Variants in PCDHGB5 observed in about 807,000 individuals in gnomAD.
The protein encoded by PCDHGB5 is protocadherin gamma-B5.
PCDHGB5 carries 48 observed loss-of-function variants against 62.9 expected under a neutral mutation model. The ratio of observed to expected loss-of-function variants is 0.76; its 90% CI spans 0.61 to 0.97. The LOEUF (loss-of-function observed/expected upper bound fraction) is 0.97, where lower values mean the gene tolerates loss of function less well. Among genes scored for constraint, PCDHGB5 ranks in the 50% least tolerant of loss-of-function variants. The pLI is 0.00. For missense variants in PCDHGB5, 1,118 were observed against 1,198.6 expected (o/e 0.93, Z 0.99); for synonymous variants, 474 against 511.2 (o/e 0.93, Z 0.98).
chr5:141,486,565 TC>T lies in PCDHGB5; in HGVS notation c.2398-8240del. The T allele has an allele frequency of 6.2e-7, 1 of 1,614,024 alleles. No homozygotes were observed. The highest frequency in any genetic ancestry group is 2.2e-5 in the East Asian group (1 of 44,880). On this transcript the variant is annotated intron_variant, in intron 1 of 3. Transcript: ENST00000617380. This position sits in a 1 kb window ranked among gnomAD's most constrained non-coding sequence, Gnocchi z 5.0. Reference sequence around the variant, plus strand: ...TTCAGAGGTCACATGAGGTGTTTGTTCCTGAGAACAATCGCCCAGGGGACCT... The same window carrying T: ...TTCAGAGGTCACATGAGGTGTTTGTTCTGAGAACAATCGCCCAGGGGACCT...
In PCDHGB5 at chr5:141,404,421, C is replaced by G. The variant is rs199749783; in HGVS notation, c.2397+3897C>G. On this transcript the variant is annotated intron_variant, in intron 1 of 3. Coordinates refer to ENST00000617380, the MANE Select transcript of PCDHGB5 (RefSeq NM_018925.3). ...AATGAGAATTCTAGAGTTATTTACT[C>G]CTTGGCAGAGGATACCATCCAAGGG... 462 of 1,613,692 alleles carry G rather than the reference C, an allele frequency of 2.9e-4. 1 individual carries two copies. The African/African-American group carries it at 5.5e-3, about 19-fold the overall frequency.
intron 1 of PCDHGB5, chr5:141,415,756 T>G (rs756759295): frequency 1.5e-4 from 214 of 1,386,812 alleles, no homozygotes; most frequent in African/African-American, 5.9e-4. Flanking sequence ...TTTTTTTTTT[T>G]TTTTTTTTTT....
At chr5:141,407,314 T>G (rs2094914230) in intron 1 of PCDHGB5, among the ~76,000 whole-genome samples, 1 of 152,212 alleles carries the variant, frequency 6.6e-6, no homozygotes, top group Non-Finnish European at 1.5e-5. Flanking sequence ...CCTTCATACT[T>G]AGTATTTATA....
chr5:141,459,284 A>C (rs2098965103), intron 1 of PCDHGB5, among the ~76,000 whole-genome samples: 1 of 152,174 alleles, frequency 6.6e-6, no homozygotes, highest in African/African-American at 2.4e-5. Flanking sequence ...ATTTCATCTA[A>C]ATGGAATCCT....
chr5:141,469,419 A>G (rs1047562022), intron 1 of PCDHGB5, among the ~76,000 whole-genome samples: 2 of 152,066 alleles, frequency 1.3e-5, no homozygotes, highest in South Asian at 2.1e-4. Flanking sequence ...TACTAAAAAT[A>G]TAAAACTTAG....
At chr5:141,426,153 T>C (rs928934950) in intron 1 of PCDHGB5, 12 of 154,130 alleles carry the variant, frequency 7.8e-5, no homozygotes, top group African/African-American at 2.6e-4. Flanking sequence ...CTCCTGCAAA[T>C]CTGATTCCAT....
chr5:141,414,060 G>C (rs769101242), intron 1 of PCDHGB5: 1 of 1,609,304 alleles, frequency 6.2e-7, no homozygotes, highest in South Asian at 1.1e-5. Flanking sequence ...AATTGTTGAA[G>C]TTCCAACTAA....
At chr5:141,502,891 C>G (rs2099816930) in intron 2 of PCDHGB5, among the ~76,000 whole-genome samples, 1 of 117,990 alleles carries the variant, frequency 8.5e-6, no homozygotes, top group African/African-American at 3.4e-5. Context: ...GACAGGGAGT[C>G]TAGCTCTGTT....
chr5:141,423,364 C>G (rs1299667864), intron 1 of PCDHGB5: 2 of 1,614,102 alleles, frequency 1.2e-6, no homozygotes, highest in East Asian at 4.5e-5. Flanking sequence ...CATCGTGCTG[C>G]TGGCACTCAG....
intron 3 of PCDHGB5, chr5:141,507,313 T>TAC (rs1554192306): frequency 6.7e-6 from 1 of 150,168 alleles, no homozygotes. Context: ...CATAATGTAC[T>TAC]AAAAAAAAAA....
In PCDHGB5 at chr5:141,413,117, C is replaced by G. The variant is rs902301902; in HGVS notation, c.2397+12593C>G. 1.9e-5 allele frequency: 29 copies of G among 1,509,004 alleles called. No homozygotes were observed. In the African/African-American group the frequency reaches 4.1e-4, roughly 21 times the overall value. The allele number at this position is 1,509,004 out of a possible 1,614,324, so 93.5% of individuals were successfully genotyped here. ...TGAAGCCACAGAAAGACAAAGGAAC[C>G]GGTTGAAACACACAACGTGTCCAGT... On this transcript the variant is annotated intron_variant, in intron 1 of 3. Transcript: ENST00000617380.
chr5:141,510,834 G>T, intron 3 of PCDHGB5, 113 bp from the exon 4 acceptor site: 1 of 1,581,880 alleles, frequency 6.3e-7, no homozygotes. Flanking sequence ...AGTGCTCAGC[G>T]TGGTCAAGGC....
Position 141,476,962 on chromosome 5 carries a change from C to T in PCDHGB5, c.2398-17845C>T. The stretch of plus-strand genomic sequence containing the variant: ...GCCCCAACGGTGAAATTATTTACTC[C>T]TTCGGCAGCCACAACCGCGCCGGCG... On this transcript the variant is annotated intron_variant, in intron 1 of 3. Coordinates refer to ENST00000617380, the MANE Select transcript of PCDHGB5 (RefSeq NM_018925.3). The surrounding 1 kb of genome is among the most constrained non-coding windows in gnomAD (Gnocchi z 7.6). 6.2e-7 allele frequency: 1 copy of T among 1,614,200 alleles called. No homozygotes were observed. Among genetic ancestry groups the T allele is most frequent in the South Asian group, 1.1e-5 (1 of 91,090 alleles).
At position 141,511,397 on chromosome 5, in the gene PCDHGB5, C is replaced by A; in HGVS notation, c.*224C>A. ...AGCAGTTCCGCTGGGAACCCCCATC[C>A]AATCAACTGCTGTACCCATGGGGGT... On this transcript the variant is annotated 3_prime_UTR_variant, in exon 4 of 4. Coordinates refer to ENST00000617380, the MANE Select transcript of PCDHGB5 (RefSeq NM_018925.3). 1.0e-6 allele frequency: 1 copy of A among 1,002,376 alleles called. No individual in the cohort carries two copies. The highest frequency in any genetic ancestry group is 1.4e-6 in the Non-Finnish European group (1 of 705,546). 62.1% of individuals were successfully genotyped at this position (1,002,376 alleles called of 1,614,324 possible). A position where few individuals can be genotyped will look rare whatever the true frequency, so the allele number is the denominator to read the frequency against.
At chr5:141,426,374 C>G (rs908991939) in intron 1 of PCDHGB5, 2 of 219,094 alleles carry the variant, frequency 9.1e-6, no homozygotes, top group East Asian at 1.0e-4. Flanking sequence ...GGGGCACCCT[C>G]GGAGCAGATC....
At chr5:141,445,938 G>A (rs2098482293) in intron 1 of PCDHGB5, among the ~76,000 whole-genome samples, 1 of 152,196 alleles carries the variant, frequency 6.6e-6, no homozygotes, top group Non-Finnish European at 1.5e-5. Flanking sequence ...GAATTATTAA[G>A]CTTACTCTGG....
In PCDHGB5 at chr5:141,431,155, C is replaced by T; in HGVS notation, c.2397+30631C>T. On this transcript the variant is annotated intron_variant, in intron 1 of 3. Transcript: ENST00000617380. This position sits in a 1 kb window ranked among gnomAD's most constrained non-coding sequence, Gnocchi z 4.8. ...GGGACATTAACGACAATGCGCCTTA[C>T]TTTCGTGAAAGTGAATTAGAAATAA... is the stretch of plus-strand genomic sequence containing the variant. 6.2e-7 allele frequency: 1 copy of T among 1,614,212 alleles called. No homozygotes were observed. Among genetic ancestry groups the T allele is most frequent in the Non-Finnish European group, 8.5e-7 (1 of 1,180,032 alleles).
chr5:141,412,664 A>G (rs959517920), intron 1 of PCDHGB5: 10 of 152,288 alleles, frequency 6.6e-5, no homozygotes, highest in African/African-American at 2.4e-4. Flanking sequence ...AGACACTAAT[A>G]TGACCTAAAA....
chr5:141,495,005 C>CG (rs2099758180), intron 2 of PCDHGB5, 140 bp downstream of exon 2: 6 of 1,522,802 alleles, frequency 3.9e-6, no homozygotes, highest in Admixed American at 2.0e-5. Context: ...TCTTGGTGTG[C>CG]GGGGGGCTGG....
Sources: allele counts gnomAD v4.1 joint callset (sites outside exome capture counted in the v4.1 genomes callset), GRCh38; gene constraint gnomAD v4.1.1; non-coding constraint Gnocchi (gnomAD v3.1); transcripts MANE v1.5; gene names NCBI Gene and HGNC (gene_info 2026-07-23, HGNC 2026-07-21).